RALYL: variants seen among roughly 807,000 people sequenced by gnomAD.
The protein encoded by RALYL is RNA-binding Raly-like protein.
RALYL carries 29 observed loss-of-function variants against 35.1 expected under a neutral mutation model. The observed-to-expected ratio is 0.83, with a 90% CI of 0.61 to 1.13. The LOEUF (loss-of-function observed/expected upper bound fraction) is 1.13, where lower values mean the gene tolerates loss of function less well. Ranked by LOEUF, RALYL falls within the 50% of genes most tolerant of loss-of-function variation. RALYL has a pLI of 0.00. For synonymous variants in RALYL, 120 were observed against 127.6 expected, an observed-to-expected ratio of 0.94 and a Z score of 0.40; for missense variants, 359 against 360.4, an observed-to-expected ratio of 1.00 and a Z score of 0.03.
intron 1 of RALYL, among the ~76,000 whole-genome samples, chr8:84,412,373 A>G (rs998127271): frequency 3.3e-5 from 5 of 151,940 alleles, no homozygotes; most frequent in Non-Finnish European, 7.4e-5. Flanking sequence ...TGACTATGAT[A>G]AAAGCCAAAG....
At chr8:84,306,329 A>G (rs1841800025) in intron 1 of RALYL, among the ~76,000 whole-genome samples, 1 of 152,134 alleles carries the variant, frequency 6.6e-6, no homozygotes, top group Non-Finnish European at 1.5e-5. Flanking sequence ...AAAAAGGAGG[A>G]GGAGTATTTC....
chr8:84,512,988 G>C (rs536801402), intron 1 of RALYL, among the ~76,000 whole-genome samples: 2 of 151,880 alleles, frequency 1.3e-5, no homozygotes, highest in African/African-American at 4.8e-5. Flanking sequence ...CCTTTTTCTC[G>C]GGTTTGCTTT....
intron 2 of RALYL, chr8:84,679,423 T>C (rs1002710284): frequency 2.1e-5 from 6 of 281,400 alleles, no homozygotes; most frequent in Non-Finnish European, 4.3e-5. Flanking sequence ...AAGAGTGTGC[T>C]CTTTGGTCCA....
intron 3 of RALYL, among the ~76,000 whole-genome samples, chr8:84,796,571 T>C (rs1259176289): frequency 1.3e-5 from 2 of 152,246 alleles, no homozygotes; most frequent in African/African-American, 4.8e-5. Context: ...CAAGTGCTTA[T>C]CTTTGATCAG....
intron 1 of RALYL, among the ~76,000 whole-genome samples, chr8:84,412,806 A>G (rs2044231370): frequency 6.6e-6 from 1 of 151,966 alleles, no homozygotes; most frequent in South Asian, 2.1e-4. Flanking sequence ...TCTAACAGTT[A>G]ATGACACAAG....
At chr8:84,794,229 T>C (rs1259839907) in intron 3 of RALYL, among the ~76,000 whole-genome samples, 2 of 152,202 alleles carry the variant, frequency 1.3e-5, no homozygotes, top group Admixed American at 1.3e-4. Context: ...GGATGGGCGA[T>C]CAAAAGACTA....
At chr8:84,665,547 G>T (rs919083307) in intron 2 of RALYL, among the ~76,000 whole-genome samples, 1 of 152,056 alleles carries the variant, frequency 6.6e-6, no homozygotes, top group Non-Finnish European at 1.5e-5. Context: ...GGGTGTATGT[G>T]TCCAGGAATT....
intron 4 of RALYL, among the ~76,000 whole-genome samples, chr8:84,819,710 A>C (rs924373127): frequency 9.2e-5 from 14 of 152,170 alleles, no homozygotes; most frequent in Admixed American, 5.9e-4. Flanking sequence ...GGGAAAAGGA[A>C]GCAATTGCAG....
chr8:84,215,237 G>A (rs543514122), intron 1 of RALYL, among the ~76,000 whole-genome samples: 433 of 151,982 alleles, frequency 2.8e-3, no homozygotes, highest in Non-Finnish European at 4.6e-3. Context: ...ATTGTAACAG[G>A]AAAAAACTGT....
intron 2 of RALYL, among the ~76,000 whole-genome samples, chr8:84,742,608 A>C: frequency 6.6e-6 from 1 of 152,074 alleles, no homozygotes; most frequent in East Asian, 1.9e-4. Context: ...GGAGTAAGCA[A>C]GAATCAGAGG....
At chr8:84,787,904 G>A (rs1274023656) in intron 3 of RALYL, among the ~76,000 whole-genome samples, 1 of 152,130 alleles carries the variant, frequency 6.6e-6, no homozygotes, top group East Asian at 1.9e-4. Flanking sequence ...GTTCTTTGTA[G>A]ATTCTGGATA....
chr8:84,871,318 GTTT>G (rs1290253478), intron 6 of RALYL, among the ~76,000 whole-genome samples: 2 of 152,146 alleles, frequency 1.3e-5, no homozygotes, highest in East Asian at 3.9e-4. Context: ...TTATTGGCTT[GTTT>G]TTTAAGGCAA....
At chr8:84,195,140 A>G (rs944468051) in intron 1 of RALYL, among the ~76,000 whole-genome samples, 3 of 152,142 alleles carry the variant, frequency 2.0e-5, no homozygotes, top group Non-Finnish European at 4.4e-5. Flanking sequence ...AGAGTCTTCC[A>G]TAATGTCTCT....
chr8:84,827,800 G>A (rs371528448), intron 4 of RALYL, among the ~76,000 whole-genome samples: 6 of 151,964 alleles, frequency 3.9e-5, no homozygotes, highest in Admixed American at 6.6e-5. Flanking sequence ...AAGTACATAC[G>A]TTGAGATTTC....
chr8:84,732,932 A>G (rs900409540), intron 2 of RALYL, among the ~76,000 whole-genome samples: 1 of 151,742 alleles, frequency 6.6e-6, no homozygotes, highest in African/African-American at 2.4e-5. Flanking sequence ...CCTGACCTCC[A>G]GTGACTACCC....
At chr8:84,469,526 A>G (rs531879473) in intron 1 of RALYL, among the ~76,000 whole-genome samples, 2 of 152,310 alleles carry the variant, frequency 1.3e-5, no homozygotes, top group East Asian at 3.9e-4. Flanking sequence ...GCGTCCTGGG[A>G]GAACCACTGC....
chr8:84,888,864 C>T (rs1586987917), intron 8 of RALYL, among the ~76,000 whole-genome samples: 1 of 152,282 alleles, frequency 6.6e-6, no homozygotes, highest in East Asian at 1.9e-4. Flanking sequence ...ATTCTCCTGC[C>T]TCAGCCTCCC....
chr8:84,696,697 T>C (rs1035251770), intron 2 of RALYL, among the ~76,000 whole-genome samples: 1 of 152,024 alleles, frequency 6.6e-6, no homozygotes, highest in Non-Finnish European at 1.5e-5. Context: ...CCACCATAAT[T>C]TCTGTTTCTG....
intron 4 of RALYL, among the ~76,000 whole-genome samples, chr8:84,805,191 C>T (rs776766257): frequency 4.6e-5 from 7 of 152,174 alleles, no homozygotes; most frequent in East Asian, 1.9e-4. Context: ...TTCACTGTTT[C>T]GTCACCCACT....
Sources: gnomAD v4.1 joint callset for allele counts (sites outside exome capture counted in the v4.1 genomes callset) on GRCh38, gnomAD v4.1.1 for gene constraint, MANE v1.5 for transcripts, NCBI Gene and HGNC (gene_info 2026-07-23, HGNC 2026-07-21) for gene names.